The following SNRPD1 variants were observed in gnomAD, a reference collection of about 807,000 sequenced individuals.
The protein encoded by SNRPD1 is small nuclear ribonucleoprotein Sm D1.
A neutral mutation model predicts 14.4 loss-of-function variants in SNRPD1; 1 was observed. That is an observed-to-expected ratio of 0.07 (90% CI 0.02 to 0.33). The LOEUF is 0.33. Among genes scored for constraint, SNRPD1 ranks in the 10% least tolerant of loss-of-function variants. The pLI, the probability that SNRPD1 is intolerant of heterozygous loss-of-function variation, is 1.00. For missense variants in SNRPD1, 52 were observed against 146.4 expected (o/e 0.36, Z 3.33); for synonymous variants, 42 against 50.3 (o/e 0.83, Z 0.70).
chr18:21,631,009 T>C lies in SNRPD1; in HGVS notation c.*1871T>C, dbSNP rs952064957. The C allele has an allele frequency of 9.9e-5, 15 of 151,898 alleles. No homozygotes were observed. The highest frequency in any genetic ancestry group is 1.8e-4 in the Non-Finnish European group (12 of 67,996). The allele number at this position is 151,898 out of a possible 1,614,324, so 9.4% of individuals were successfully genotyped here. The stretch of plus-strand genomic sequence containing the variant: ...GTTGATAATTTTTTTTTGTAAGTCA[T>C]TGAAGTTATATAGTAATTAGCGTTT... On this transcript the variant is annotated 3_prime_UTR_variant, in exon 4 of 4. Coordinates refer to ENST00000300413, the MANE Select transcript of SNRPD1 (RefSeq NM_006938.4).
intron 1 of SNRPD1, among the ~76,000 whole-genome samples, chr18:21,621,961 G>A (rs1269231420): frequency 2.6e-5 from 4 of 152,154 alleles, no homozygotes; most frequent in Non-Finnish European, 5.9e-5. Context: ...AGTTATAGAC[G>A]TGAATAAAAT....
chr18:21,633,239 C>CT lies in SNRPD1; in HGVS notation c.*4102dup, dbSNP rs2039098747. The stretch of plus-strand genomic sequence containing the variant: ...AAATGAAATATCAGTTTCTTTTAAT[C>CT]TATCATAATTATGTGAGCATAACTT... On this transcript the variant is annotated 3_prime_UTR_variant, in exon 4 of 4. Transcript: ENST00000300413. 1 of 152,174 alleles carries CT rather than the reference C, an allele frequency of 6.6e-6. No homozygotes were observed. Among genetic ancestry groups the CT allele is most frequent in the African/African-American group, 2.4e-5 (1 of 41,440 alleles). The allele number at this position is 152,174 out of a possible 1,614,324, so 9.4% of individuals were successfully genotyped here.
intron 3 of SNRPD1, among the ~76,000 whole-genome samples, chr18:21,628,414 A>G (rs576383153): frequency 2.1e-4 from 32 of 152,320 alleles, no homozygotes; most frequent in African/African-American, 7.2e-4. Context: ...ACTGACTTCT[A>G]TGTCAAGATT....
intron 1 of SNRPD1, 70 bp downstream of exon 1, chr18:21,612,513 C>G: frequency 8.1e-7 from 1 of 1,231,978 alleles, no homozygotes; most frequent in Non-Finnish European, 1.1e-6. Context: ...GAAGGCTGGG[C>G]TCTCCCATTT....
Position 21,629,709 on chromosome 18 carries a change from C to T in SNRPD1, c.*571C>T, listed in dbSNP as rs2039066407. On this transcript the variant is annotated 3_prime_UTR_variant, in exon 4 of 4. Coordinates refer to ENST00000300413, the MANE Select transcript of SNRPD1 (RefSeq NM_006938.4). The stretch of plus-strand genomic sequence containing the variant: ...TCTGTTTACACGTCCAGTTAGGCTA[C>T]AGTTCTATGTACTGAGAAACCTTTA... 6.5e-6 allele frequency: 1 copy of T among 153,674 alleles called. No homozygotes were observed. Among genetic ancestry groups the T allele is most frequent in the African/African-American group, 2.4e-5 (1 of 41,460 alleles). 9.5% of individuals were successfully genotyped at this position (153,674 alleles called of 1,614,324 possible).
chr18:21,618,306 G>C (rs2038972413), intron 1 of SNRPD1, among the ~76,000 whole-genome samples: 1 of 151,196 alleles, frequency 6.6e-6, no homozygotes, highest in African/African-American at 2.4e-5. Context: ...TGGTGGCATA[G>C]TCTCAGAAAA....
rs373077405 is a variant in SNRPD1, at chr18:21,630,024, G to A, written c.*886G>A. 6.6e-6 allele frequency: 1 copy of A among 152,096 alleles called. No individual in the cohort carries two copies. The highest frequency in any genetic ancestry group is 1.9e-4 in the East Asian group (1 of 5,194). 9.4% of individuals were successfully genotyped at this position (152,096 alleles called of 1,614,324 possible). Reference sequence around the variant, plus strand: ...TTAAGGGTCATTGCTTTGTTGTCTAGCTGCTAATGTCTTACTTTTGTTTCT... The same window carrying A: ...TTAAGGGTCATTGCTTTGTTGTCTAACTGCTAATGTCTTACTTTTGTTTCT... On this transcript the variant is annotated 3_prime_UTR_variant, in exon 4 of 4. Coordinates refer to ENST00000300413, the MANE Select transcript of SNRPD1 (RefSeq NM_006938.4).
intron 3 of SNRPD1, among the ~76,000 whole-genome samples, chr18:21,626,323 A>G (rs1005754846): frequency 2.7e-5 from 4 of 149,894 alleles, no homozygotes; most frequent in African/African-American, 7.4e-5. Context: ...GAACCCAGAA[A>G]ATGGAGGCTC....
rs1291319238 is a variant in SNRPD1 at position 21,629,234 on chromosome 18, CAG to C, written c.*99_*100del. 4 of 928,328 alleles carry C rather than the reference CAG, an allele frequency of 4.3e-6. No individual in the cohort carries two copies. Among genetic ancestry groups the C allele is most frequent in the Non-Finnish European group, 7.1e-6 (4 of 563,364 alleles). 57.5% of individuals were successfully genotyped at this position (928,328 alleles called of 1,614,324 possible). On this transcript the variant is annotated 3_prime_UTR_variant, in exon 4 of 4. Coordinates refer to ENST00000300413, the MANE Select transcript of SNRPD1 (RefSeq NM_006938.4). ...GTTTTTAATAAACATAAATGTGGGA[CAG>C]AGCTGTCTATTTAGTATATCAAAGT...
chr18:21,626,394 C>CAA (rs774960503), intron 3 of SNRPD1, among the ~76,000 whole-genome samples: 1,324 of 50,626 alleles, frequency 0.026, 15 homozygotes, highest in African/African-American at 0.032. Flanking sequence ...ACCCTGTCGC[C>CAA]AAAAAAAAAA....
In SNRPD1 at chr18:21,631,237, A is replaced by T. The variant is rs2039080957; in HGVS notation, c.*2099A>T. 1 of 146,950 alleles carries T rather than the reference A, an allele frequency of 6.8e-6. No individual in the cohort carries two copies. Among genetic ancestry groups the T allele is most frequent in the Non-Finnish European group, 1.5e-5 (1 of 66,732 alleles). 9.1% of individuals were successfully genotyped at this position (146,950 alleles called of 1,614,324 possible). A position where few individuals can be genotyped will look rare whatever the true frequency, so the allele number is the denominator to read the frequency against. ...CTCTGCGTCCCGGGTTCAAGAGATT[A>T]TTGTGCCTCAGCCTCCAGAGTAGCT... On this transcript the variant is annotated 3_prime_UTR_variant, in exon 4 of 4. Coordinates refer to ENST00000300413, the MANE Select transcript of SNRPD1 (RefSeq NM_006938.4).
chr18:21,615,678 TAAA>T (rs1225560376), intron 1 of SNRPD1, among the ~76,000 whole-genome samples: 1 of 152,030 alleles, frequency 6.6e-6, no homozygotes, highest in Non-Finnish European at 1.5e-5. Flanking sequence ...GAAAATAAAA[TAAA>T]AAGTTATGTA....
intron 1 of SNRPD1, among the ~76,000 whole-genome samples, chr18:21,619,989 C>CT (rs1319376776): frequency 1.3e-5 from 2 of 151,668 alleles, no homozygotes; most frequent in Non-Finnish European, 2.9e-5. Flanking sequence ...GAGTCTTGCT[C>CT]TGTCACCCAG....
At position 21,622,806 on chromosome 18, in the gene SNRPD1, G is replaced by A. The variant is rs2039007887; in HGVS notation, c.91+5G>A. On this transcript the variant is annotated splice_donor_5th_base_variant and intron_variant, in intron 2 of 3. Transcript: ENST00000300413. The stretch of plus-strand genomic sequence containing the variant: ...AGGTCCATGGAACAATCACAGGTAC[G>A]GAGGTTGGACTGCTTTTATAACATT... 2.6e-6 allele frequency: 4 copies of A among 1,515,578 alleles called. No homozygotes were observed. Among genetic ancestry groups the A allele is most frequent in the African/African-American group, 1.4e-5 (1 of 72,954 alleles). The allele number at this position is 1,515,578 out of a possible 1,614,324, so 93.9% of individuals were successfully genotyped here.
At chr18:21,615,108 G>A (rs2038947449) in intron 1 of SNRPD1, among the ~76,000 whole-genome samples, 1 of 152,096 alleles carries the variant, frequency 6.6e-6, no homozygotes, top group Non-Finnish European at 1.5e-5. Flanking sequence ...GCCTTTCCCA[G>A]GCAACCTCTG....
chr18:21,626,995 AAAAG>A (rs1315213906), intron 3 of SNRPD1, among the ~76,000 whole-genome samples: 2 of 151,086 alleles, frequency 1.3e-5, no homozygotes, highest in African/African-American at 4.9e-5. Flanking sequence ...AAAAAAAAAA[AAAAG>A]AAGCAGCAGC....
intron 1 of SNRPD1, among the ~76,000 whole-genome samples, chr18:21,620,334 C>T (rs916258167): frequency 6.6e-6 from 1 of 151,998 alleles, no homozygotes; most frequent in African/African-American, 2.4e-5. Flanking sequence ...CTCCTGGCCT[C>T]AAGTGATCAT....
chr18:21,621,970 A>G (rs192356849), intron 1 of SNRPD1, among the ~76,000 whole-genome samples: 64 of 152,342 alleles, frequency 4.2e-4, no homozygotes, highest in African/African-American at 1.4e-3. Context: ...CGTGAATAAA[A>G]TATGACCCAA....
intron 3 of SNRPD1, among the ~76,000 whole-genome samples, chr18:21,625,028 T>C (rs891124920): frequency 3.9e-5 from 6 of 152,192 alleles, no homozygotes; most frequent in Admixed American, 3.3e-4. Flanking sequence ...AGGCCTAAAC[T>C]ACATTTTTGA....
Sources: gnomAD v4.1 joint callset for allele counts (sites outside exome capture counted in the v4.1 genomes callset) on GRCh38, gnomAD v4.1.1 for gene constraint, MANE v1.5 for transcripts, NCBI Gene and HGNC (gene_info 2026-07-23, HGNC 2026-07-21) for gene names.